WDPCP: variants seen among roughly 807,000 people sequenced by gnomAD.
The protein encoded by WDPCP is WD repeat containing planar cell polarity effector.
In WDPCP, 71 loss-of-function variants were observed where a neutral mutation model predicts 93.1. The observed-to-expected ratio is 0.76, with a 90% CI of 0.63 to 0.93. The LOEUF (loss-of-function observed/expected upper bound fraction) is 0.93. Ranked by LOEUF, WDPCP falls within the 40% of genes least tolerant of loss-of-function variation. The pLI, the probability that WDPCP is intolerant of heterozygous loss-of-function variation, is 0.00. For synonymous variants in WDPCP, 315 were observed against 315.0 expected, an observed-to-expected ratio of 1.00 and a Z score of 0.00; for missense variants, 844 against 887.4, an observed-to-expected ratio of 0.95 and a Z score of 0.62.
In WDPCP at chr2:63,649,806, G is replaced by A. The variant is rs529365651; in HGVS notation, n.488+853C>T. The stretch of plus-strand genomic sequence containing the variant: ...GTGGGGAGGGGTCTGGAGTAGAGCA[G>A]AAATGATCAATGGCTACAGGACTTG... On this transcript the variant is annotated intron_variant and non_coding_transcript_variant, in intron 3 of 4. Coordinates refer to the WDPCP transcript ENST00000467687. Among the ~76,000 whole-genome samples, 11 of 152,260 alleles carry A rather than the reference G, an allele frequency of 7.2e-5. No individual in the cohort carries two copies. The South Asian group carries it at 2.1e-3, about 29-fold the overall frequency.
intron 2 of WDPCP, among the ~76,000 whole-genome samples, chr2:63,781,584 G>A (rs1670392586): frequency 6.6e-6 from 1 of 152,168 alleles, no homozygotes; most frequent in African/African-American, 2.4e-5. Flanking sequence ...CATATTTTCT[G>A]TCCTCAAGAA....
chr2:63,505,361 G>C, intron 1 of WDPCP, among the ~76,000 whole-genome samples: 1 of 151,848 alleles, frequency 6.6e-6, no homozygotes, highest in East Asian at 1.9e-4. Context: ...AAACCACCAA[G>C]GTCCCCTGAG....
intron 17 of WDPCP, among the ~76,000 whole-genome samples, chr2:63,127,522 A>C (rs1669996378): frequency 6.6e-6 from 1 of 151,986 alleles, no homozygotes; most frequent in South Asian, 2.1e-4. Context: ...TATTCCATCA[A>C]GTAAATTGAT....
chr2:63,235,827 G>A (rs978793803), intron 14 of WDPCP, among the ~76,000 whole-genome samples: 6 of 151,966 alleles, frequency 3.9e-5, no homozygotes, highest in Admixed American at 3.3e-4. Flanking sequence ...AACAAACTAG[G>A]CATAGAAAGA....
chr2:63,814,595 G>A (rs1670905157), intron 1 of WDPCP, among the ~76,000 whole-genome samples: 1 of 152,188 alleles, frequency 6.6e-6, no homozygotes, highest in African/African-American at 2.4e-5. Flanking sequence ...GTTACTTATA[G>A]TTGAAAATAT....
At chr2:63,772,217 A>G (rs1670239624) in intron 2 of WDPCP, among the ~76,000 whole-genome samples, 1 of 151,972 alleles carries the variant, frequency 6.6e-6, no homozygotes, top group Admixed American at 6.6e-5. Flanking sequence ...CTTTCTAATA[A>G]TAGCCATTCT....
chr2:63,741,383 T>C (rs1042857463), intron 2 of WDPCP, among the ~76,000 whole-genome samples: 7 of 152,130 alleles, frequency 4.6e-5, no homozygotes, highest in Non-Finnish European at 5.9e-5. Flanking sequence ...GCTGGGTTTC[T>C]CCTGGGCATC....
At chr2:63,235,028 C>G (rs1364643109) in intron 14 of WDPCP, among the ~76,000 whole-genome samples, 1 of 151,800 alleles carries the variant, frequency 6.6e-6, no homozygotes, top group Non-Finnish European at 1.5e-5. Flanking sequence ...AAACTGACAC[C>G]AAAAATAATA....
chr2:63,448,437 A>AACACACACACACAC (rs35247066), intron 6 of WDPCP, among the ~76,000 whole-genome samples: 37 of 148,802 alleles, frequency 2.5e-4, no homozygotes, highest in African/African-American at 9.1e-4. Flanking sequence ...AAAATACATC[A>AACACACACACACAC]ACACACACAC....
At chr2:63,559,254 C>G (rs188673725) in intron 1 of WDPCP, among the ~76,000 whole-genome samples, 3 of 152,254 alleles carry the variant, frequency 2.0e-5, no homozygotes, top group Admixed American at 2.0e-4. Flanking sequence ...TCTCAATAAA[C>G]TAGGTATTGA....
intron 1 of WDPCP, among the ~76,000 whole-genome samples, chr2:63,583,837 G>T (rs56242380): frequency 1.6e-3 from 238 of 152,248 alleles, no homozygotes; most frequent in Non-Finnish European, 2.5e-3. Flanking sequence ...ACATATGAGT[G>T]GTCAGTGCCT....
intron 1 of WDPCP, chr2:63,517,835 T>C (rs1702650458): frequency 6.6e-6 from 1 of 152,196 alleles, no homozygotes. Flanking sequence ...ATTGTTTTGC[T>C]CTCTATGTAC....
At chr2:63,606,454 ACT>A (rs1310786470) in intron 3 of WDPCP, among the ~76,000 whole-genome samples, 1 of 152,220 alleles carries the variant, frequency 6.6e-6, no homozygotes, top group Non-Finnish European at 1.5e-5. Context: ...CAGCTTTAAA[ACT>A]ATATGTATTT....
intron 13 of WDPCP, among the ~76,000 whole-genome samples, chr2:63,298,594 C>T (rs1289058851): frequency 6.6e-6 from 1 of 152,134 alleles, no homozygotes; most frequent in Non-Finnish European, 1.5e-5. Flanking sequence ...AGCTTTTGGA[C>T]TCTTGGACTT....
chr2:63,422,765 C>A (rs1695966569), intron 9 of WDPCP, among the ~76,000 whole-genome samples: 2 of 152,128 alleles, frequency 1.3e-5, no homozygotes, highest in Non-Finnish European at 2.9e-5. Flanking sequence ...AAACTGACTA[C>A]TAACTTGAGG....
intron 2 of WDPCP, among the ~76,000 whole-genome samples, chr2:63,691,252 TAGG>T (rs1668883638): frequency 1.3e-5 from 2 of 152,192 alleles, no homozygotes; most frequent in Non-Finnish European, 2.9e-5. Flanking sequence ...GATGTTTGGA[TAGG>T]ATACAAGGAT....
intron 1 of WDPCP, among the ~76,000 whole-genome samples, chr2:63,576,583 G>A (rs1013279631): frequency 4.6e-5 from 7 of 152,158 alleles, no homozygotes; most frequent in Non-Finnish European, 1.0e-4. Context: ...TTTTATGGAG[G>A]TTTCTTTATG....
At chr2:63,139,613 A>G (rs1670910010) in intron 17 of WDPCP, among the ~76,000 whole-genome samples, 1 of 152,014 alleles carries the variant, frequency 6.6e-6, no homozygotes, top group Non-Finnish European at 1.5e-5. Flanking sequence ...CCATTTGTAT[A>G]TGTTCTTTTG....
chr2:63,300,887 A>G (rs1052796090), intron 13 of WDPCP, among the ~76,000 whole-genome samples: 7 of 151,286 alleles, frequency 4.6e-5, no homozygotes, highest in Non-Finnish European at 7.4e-5. Flanking sequence ...TCCTTGGTCT[A>G]GAGAGTACGT....
Sources: allele counts gnomAD v4.1 joint callset (sites outside exome capture counted in the v4.1 genomes callset), GRCh38; gene constraint gnomAD v4.1.1; transcripts MANE v1.5; gene names NCBI Gene and HGNC (gene_info 2026-07-23, HGNC 2026-07-21).